Variants in PAPPA2 observed in about 807,000 individuals in gnomAD.
PAPPA2 encodes the protein pappalysin 2.
A neutral mutation model predicts 176.4 loss-of-function variants in PAPPA2; 86 were observed. The observed-to-expected ratio is 0.49, with a 90% CI of 0.41 to 0.58. The LOEUF is 0.58. PAPPA2 is among the 20% of genes least tolerant of loss of function. The pLI is 0.00. For missense variants in PAPPA2, 2,073 were observed against 2,256.9 expected (o/e 0.92, Z 1.65); for synonymous variants, 809 against 852.2 (o/e 0.95, Z 0.88).
Position 176,739,781 on chromosome 1 carries a change from C to G in PAPPA2, c.3934+20C>G. 1.9e-6 allele frequency: 3 copies of G among 1,612,198 alleles called. No homozygotes were observed. Among genetic ancestry groups the G allele is most frequent in the Non-Finnish European group, 2.5e-6 (3 of 1,179,224 alleles). ...CTCTTGGTGAGTCTGACAAATATCC[C>G]TTTAGGGTCACTAGAGGACAACCCG... On this transcript the variant is annotated intron_variant, in intron 13 of 22. Coordinates refer to ENST00000367662, the MANE Select transcript of PAPPA2 (RefSeq NM_020318.3).
chr1:176,604,206 G>T (rs756328541), intron 3 of PAPPA2, among the ~76,000 whole-genome samples: 1 of 152,104 alleles, frequency 6.6e-6, no homozygotes, highest in Non-Finnish European at 1.5e-5. Context: ...ACGTAAAATT[G>T]TACACATTGT....
At chr1:176,811,532 A>G (rs753564721) in intron 21 of PAPPA2, among the ~76,000 whole-genome samples, 14 of 152,328 alleles carry the variant, frequency 9.2e-5, no homozygotes, top group Non-Finnish European at 1.8e-4. Flanking sequence ...CCTACAAGCC[A>G]ATAATAGGGA....
At position 176,465,225 on chromosome 1, in the gene PAPPA2, T is replaced by C. The variant is rs922706778; in HGVS notation, c.-917+1807T>C. On this transcript the variant is annotated intron_variant, in intron 1 of 22. Coordinates refer to ENST00000367662, the MANE Select transcript of PAPPA2 (RefSeq NM_020318.3). ...TTGGATGAGCATCCCTATATATAAATCTTTGTCTGCTTCTTTGGTTATTTT... is the reference window on the plus strand; with the variant it reads ...TTGGATGAGCATCCCTATATATAAACCTTTGTCTGCTTCTTTGGTTATTTT... Among the ~76,000 whole-genome samples the C allele has an allele frequency of 4.6e-5, 7 of 152,208 alleles. No homozygotes were observed. The East Asian group carries it at 9.6e-4, about 21-fold the overall frequency.
intron 2 of PAPPA2, among the ~76,000 whole-genome samples, chr1:176,581,869 T>G (rs1172957996): frequency 6.6e-6 from 1 of 151,380 alleles, no homozygotes; most frequent in Non-Finnish European, 1.5e-5. Context: ...TTTGTTTATT[T>G]TTTGGGGGGG....
chr1:176,525,844 C>T (rs1419873479), intron 1 of PAPPA2, among the ~76,000 whole-genome samples: 6 of 152,106 alleles, frequency 3.9e-5, no homozygotes, highest in Admixed American at 3.3e-4. Flanking sequence ...GTATTTCTTG[C>T]GTGTTCAATC....
In PAPPA2 at chr1:176,740,207, C is replaced by G. The variant is rs1250316573; in HGVS notation, c.4151+11C>G. The G allele has an allele frequency of 5.6e-6, 9 of 1,609,290 alleles. No individual in the cohort carries two copies. Among genetic ancestry groups the G allele is most frequent in the Non-Finnish European group, 7.7e-6 (9 of 1,176,364 alleles). The stretch of plus-strand genomic sequence containing the variant: ...TCATCAGGGACAGAGGTACAAACTT[C>G]CCTTTCTTTCTTTTGTTTCCTTTTC... On this transcript the variant is annotated intron_variant, in intron 14 of 22. Coordinates refer to ENST00000367662, the MANE Select transcript of PAPPA2 (RefSeq NM_020318.3).
chr1:176,493,290 CT>C (rs770047126), intron 1 of PAPPA2, among the ~76,000 whole-genome samples: 19 of 152,196 alleles, frequency 1.2e-4, no homozygotes, highest in Non-Finnish European at 2.4e-4. Flanking sequence ...CTTTCAACCC[CT>C]GATATTTGCC....
rs66771117 is a variant in PAPPA2, at chr1:176,513,158, TATCATCATCATCATC to T, written c.-916-42226_-916-42212del. 5.2e-4 allele frequency among the ~76,000 whole-genome samples: 78 copies of T among 149,662 alleles called. 1 individual carries two copies. The highest frequency in any genetic ancestry group is 1.4e-3 in the African/African-American group (57 of 40,486). On this transcript the variant is annotated intron_variant, in intron 1 of 22. Transcript: ENST00000367662. ...CCATTCTTTATTATACATTTCTGTCTATCATCATCATCATCATCATCATCATCATCATCATCACCA... is the reference window on the plus strand; with the variant it reads ...CCATTCTTTATTATACATTTCTGTCTATCATCATCATCATCATCATCACCA...
chr1:176,558,930 G>A (rs758832472), intron 2 of PAPPA2, among the ~76,000 whole-genome samples: 1 of 152,184 alleles, frequency 6.6e-6, no homozygotes, highest in Non-Finnish European at 1.5e-5. Context: ...AGGGGCTGCT[G>A]CTTTGGGTTA....
intron 3 of PAPPA2, among the ~76,000 whole-genome samples, chr1:176,631,276 A>G: frequency 6.6e-6 from 1 of 152,218 alleles, no homozygotes; most frequent in Admixed American, 6.5e-5. Flanking sequence ...GCCAAATGAA[A>G]GAAACAAATC....
chr1:176,546,557 G>T (rs1650646234), intron 1 of PAPPA2, among the ~76,000 whole-genome samples: 1 of 152,106 alleles, frequency 6.6e-6, no homozygotes, highest in Non-Finnish European at 1.5e-5. Flanking sequence ...AAATAAAATT[G>T]CACATTTATA....
At chr1:176,503,017 A>G (rs1648055215) in intron 1 of PAPPA2, among the ~76,000 whole-genome samples, 1 of 152,176 alleles carries the variant, frequency 6.6e-6, no homozygotes, top group Non-Finnish European at 1.5e-5. Flanking sequence ...GTTTAAAATG[A>G]CACAAATATA....
intron 17 of PAPPA2, among the ~76,000 whole-genome samples, chr1:176,773,160 G>A (rs370577892): frequency 1.3e-5 from 2 of 152,166 alleles, no homozygotes; most frequent in Non-Finnish European, 2.9e-5. Context: ...GGGCTTAAAC[G>A]TTGACATTCA....
chr1:176,507,037 C>A (rs1384485231), intron 1 of PAPPA2, among the ~76,000 whole-genome samples: 1 of 151,918 alleles, frequency 6.6e-6, no homozygotes, highest in East Asian at 1.9e-4. Context: ...GCAAACTATG[C>A]ATCCAACAAA....
At chr1:176,837,628 G>C (rs1413542599) in intron 21 of PAPPA2, among the ~76,000 whole-genome samples, 1 of 152,272 alleles carries the variant, frequency 6.6e-6, no homozygotes, top group East Asian at 1.9e-4. Context: ...ATTTTCTGAT[G>C]TTACAGAATA....
At chr1:176,542,327 A>G (rs1310258714) in intron 1 of PAPPA2, among the ~76,000 whole-genome samples, 1 of 152,214 alleles carries the variant, frequency 6.6e-6, no homozygotes, top group Admixed American at 6.5e-5. Context: ...GAGAAATGAT[A>G]TCAAAATGGA....
At chr1:176,729,860 G>A (rs997298559) in intron 12 of PAPPA2, among the ~76,000 whole-genome samples, 1 of 151,958 alleles carries the variant, frequency 6.6e-6, no homozygotes, top group Non-Finnish European at 1.5e-5. Flanking sequence ...AAACATACTT[G>A]TACATATGGT....
chr1:176,679,051 T>TTA (rs1558514171), intron 4 of PAPPA2, among the ~76,000 whole-genome samples: 1 of 151,864 alleles, frequency 6.6e-6, no homozygotes, highest in Admixed American at 6.6e-5. Flanking sequence ...ATACATATAT[T>TTA]TATATATATG....
chr1:176,692,439 G>T (rs1660162611), intron 6 of PAPPA2, 121 bp downstream of exon 6: 4 of 961,876 alleles, frequency 4.2e-6, no homozygotes, highest in Non-Finnish European at 6.2e-6. Context: ...GTGCACCACT[G>T]CTCAGAGCTG....
Sources: allele counts gnomAD v4.1 joint callset (sites outside exome capture counted in the v4.1 genomes callset), GRCh38; gene constraint gnomAD v4.1.1; transcripts MANE v1.5; gene names NCBI Gene and HGNC (gene_info 2026-07-23, HGNC 2026-07-21).